ANKS1B: variants seen among roughly 807,000 people sequenced by gnomAD.
ANKS1B encodes the protein ankyrin repeat and sterile alpha motif domain-containing protein 1B.
In ANKS1B, 36 loss-of-function variants were observed where a neutral mutation model predicts 148.3. The ratio of observed to expected loss-of-function variants is 0.24; its 90% CI spans 0.19 to 0.32. The LOEUF is 0.32. Among genes scored for constraint, ANKS1B ranks in the 10% least tolerant of loss-of-function variants. The pLI, the probability that ANKS1B is intolerant of heterozygous loss-of-function variation, is 1.00. For synonymous variants in ANKS1B, 542 were observed against 560.8 expected, an observed-to-expected ratio of 0.97 and a Z score of 0.47; for missense variants, 1,157 against 1,542.6, an observed-to-expected ratio of 0.75 and a Z score of 4.19.
intron 24 of ANKS1B, among the ~76,000 whole-genome samples, chr12:98,775,360 T>G (rs912421299): frequency 6.6e-6 from 1 of 152,292 alleles, no homozygotes; most frequent in South Asian, 2.1e-4. Context: ...GGGGGAAAGT[T>G]GCAAAGGAGG....
chr12:99,278,323 G>A (rs557797626), intron 12 of ANKS1B, among the ~76,000 whole-genome samples: 5 of 152,188 alleles, frequency 3.3e-5, no homozygotes, highest in African/African-American at 7.2e-5. Context: ...GAAGCCATGT[G>A]TTGAATCCTG....
At chr12:98,924,507 TA>T (rs2099805546) in intron 17 of ANKS1B, among the ~76,000 whole-genome samples, 1 of 152,136 alleles carries the variant, frequency 6.6e-6, no homozygotes, top group Admixed American at 6.6e-5. Flanking sequence ...GAAACCAAAG[TA>T]GCTTCCCCCA....
At chr12:99,445,540 A>G (rs2095622779) in intron 10 of ANKS1B, among the ~76,000 whole-genome samples, 1 of 152,032 alleles carries the variant, frequency 6.6e-6, no homozygotes, top group African/African-American at 2.4e-5. Context: ...TAGTTTCATC[A>G]ATTATAACAA....
intron 14 of ANKS1B, among the ~76,000 whole-genome samples, chr12:99,222,595 G>A (rs183642613): frequency 2.4e-4 from 37 of 152,310 alleles, no homozygotes; most frequent in African/African-American, 8.4e-4. Context: ...CAGCCAGCAT[G>A]ACAGAGCGAG....
chr12:99,145,984 G>C (rs1358772066), intron 15 of ANKS1B, among the ~76,000 whole-genome samples: 4 of 151,780 alleles, frequency 2.6e-5, no homozygotes, highest in Admixed American at 2.6e-4. Context: ...CTTAGCATGG[G>C]ATAATTTATA....
intron 17 of ANKS1B, among the ~76,000 whole-genome samples, chr12:98,895,756 A>T (rs1180151864): frequency 2.0e-5 from 3 of 152,138 alleles, no homozygotes; most frequent in Non-Finnish European, 2.9e-5. Context: ...ACTACTACCA[A>T]CAGTTGTGGA....
chr12:99,344,109 G>A (rs549284588), intron 12 of ANKS1B, among the ~76,000 whole-genome samples: 2 of 152,014 alleles, frequency 1.3e-5, no homozygotes, highest in Admixed American at 6.6e-5. Context: ...AAACACATGA[G>A]TCTTATTAGG....
chr12:99,055,251 A>G (rs566782909), intron 16 of ANKS1B, among the ~76,000 whole-genome samples: 3 of 152,330 alleles, frequency 2.0e-5, no homozygotes, highest in African/African-American at 7.2e-5. Flanking sequence ...GGCCCCAGGA[A>G]TCTTCCTGAC....
At chr12:98,735,692 T>C in intron 9 of ANKS1B, 1 of 705,742 alleles carries the variant, frequency 1.4e-6, no homozygotes, top group Non-Finnish European at 2.7e-6. Context: ...ATTTGTTTAA[T>C]AAATATTGAG....
At chr12:99,960,912 TCA>T (rs1375827585) in intron 1 of ANKS1B, among the ~76,000 whole-genome samples, 3 of 152,066 alleles carry the variant, frequency 2.0e-5, no homozygotes, top group Non-Finnish European at 4.4e-5. Flanking sequence ...TCCAACTGCA[TCA>T]CACAGTATTT....
chr12:98,865,222 A>G lies in ANKS1B; in HGVS notation c.2779-33086T>C, dbSNP rs369877828. ...TCTGGTCTCCCATTTCTATCTTCAG[A>G]CTCTCGATCTTATTGCCTGACAAAT... On this transcript the variant is annotated intron_variant, in intron 17 of 26. Coordinates refer to ENST00000683438, the MANE Select transcript of ANKS1B (RefSeq NM_001352186.2). 3.3e-5 allele frequency among the ~76,000 whole-genome samples: 5 copies of G among 151,924 alleles called. No individual in the cohort carries two copies. The East Asian group carries it at 7.8e-4, about 24-fold the overall frequency.
At chr12:99,800,668 G>A (rs977028075) in intron 4 of ANKS1B, among the ~76,000 whole-genome samples, 3 of 152,070 alleles carry the variant, frequency 2.0e-5, no homozygotes, top group Admixed American at 6.6e-5. Context: ...TTGACAAAAT[G>A]GGAAAGACTT....
intron 14 of ANKS1B, among the ~76,000 whole-genome samples, chr12:99,232,000 G>T (rs907698108): frequency 2.6e-5 from 4 of 152,044 alleles, no homozygotes; most frequent in African/African-American, 7.2e-5. Flanking sequence ...ACTCTCTATG[G>T]GTGGGTCTCT....
At chr12:99,498,390 C>A (rs374416061) in intron 10 of ANKS1B, among the ~76,000 whole-genome samples, 1 of 152,152 alleles carries the variant, frequency 6.6e-6, no homozygotes, top group African/African-American at 2.4e-5. Context: ...TCTGAATGTA[C>A]TCTGTTCTTT....
rs563856723 is a variant in ANKS1B at position 99,605,022 on chromosome 12, C to T, written c.1272+50045G>A. Among the ~76,000 whole-genome samples, 5 of 151,904 alleles carry T rather than the reference C, an allele frequency of 3.3e-5. 1 individual carries two copies. Among genetic ancestry groups the T allele is most frequent in the African/African-American group, 9.6e-5 (4 of 41,458 alleles). ...GCCAATTACATAAAAGGAATAAAAA[C>T]TGTCACATTCTCAGACCAAAATACT... is the stretch of plus-strand genomic sequence containing the variant. On this transcript the variant is annotated intron_variant, in intron 9 of 26. Transcript: ENST00000683438.
chr12:99,491,628 C>T (rs1183258795), intron 10 of ANKS1B, among the ~76,000 whole-genome samples: 2 of 151,974 alleles, frequency 1.3e-5, no homozygotes, highest in African/African-American at 4.8e-5. Context: ...GAACTTCTCA[C>T]TTAAATGATG....
chr12:99,060,448 G>A (rs2042015872), intron 16 of ANKS1B, among the ~76,000 whole-genome samples: 1 of 151,970 alleles, frequency 6.6e-6, no homozygotes, highest in African/African-American at 2.4e-5. Context: ...CTTATTTTAT[G>A]CGTTTTATAC....
At chr12:99,113,237 G>C (rs1337956063) in intron 15 of ANKS1B, among the ~76,000 whole-genome samples, 1 of 151,906 alleles carries the variant, frequency 6.6e-6, no homozygotes. Context: ...TAAACTTAAC[G>C]TGTCCTCAAT....
chr12:99,008,247 A>G (rs567933027), intron 17 of ANKS1B, among the ~76,000 whole-genome samples: 3 of 152,216 alleles, frequency 2.0e-5, no homozygotes, highest in Admixed American at 1.3e-4. Flanking sequence ...AACTTTGGGG[A>G]TAAGAAAGCA....
Sources: gnomAD v4.1 joint callset for allele counts (sites outside exome capture counted in the v4.1 genomes callset) on GRCh38, gnomAD v4.1.1 for gene constraint, MANE v1.5 for transcripts, NCBI Gene and HGNC (gene_info 2026-07-23, HGNC 2026-07-21) for gene names.